TAFA4: variants seen among roughly 807,000 people sequenced by gnomAD.
TAFA4 encodes chemokine-like protein TAFA-4.
A neutral mutation model predicts 21.1 loss-of-function variants in TAFA4; 20 were observed. The ratio of observed to expected loss-of-function variants is 0.95; its 90% confidence interval spans 0.67 to 1.38. The LOEUF is 1.38. Among genes scored for constraint, TAFA4 ranks in the 40% most tolerant of loss-of-function variants. TAFA4 has a pLI of 0.00. For missense variants in TAFA4, 211 were observed against 180.9 expected (o/e 1.17, Z -0.95); for synonymous variants, 71 against 67.4 (o/e 1.05, Z -0.26).
intron 1 of TAFA4, among the ~76,000 whole-genome samples, chr3:68,931,408 AATG>A (rs1206344077): frequency 6.6e-6 from 1 of 152,064 alleles, no homozygotes. Flanking sequence ...CTAAACGTTA[AATG>A]ATGCTGATTC....
intron 1 of TAFA4, among the ~76,000 whole-genome samples, chr3:68,927,050 C>T (rs1195194167): frequency 1.3e-5 from 2 of 152,290 alleles, no homozygotes; most frequent in East Asian, 3.9e-4. Flanking sequence ...CAAATTGTAA[C>T]AATCAAAAAA....
intron 1 of TAFA4, among the ~76,000 whole-genome samples, 189 bp downstream of exon 1, chr3:68,932,051 G>T (rs2090164185): frequency 6.6e-6 from 1 of 151,984 alleles, no homozygotes; most frequent in Admixed American, 6.6e-5. Context: ...CGGGTTGCAC[G>T]CCGACCTCAG....
intron 3 of TAFA4, among the ~76,000 whole-genome samples, chr3:68,839,741 A>G (rs946320545): frequency 2.0e-5 from 3 of 152,174 alleles, no homozygotes; most frequent in African/African-American, 4.8e-5. Context: ...CCTTCACTAC[A>G]GAAGTTTGTT....
intron 3 of TAFA4, among the ~76,000 whole-genome samples, chr3:68,853,883 TA>T (rs1705005505): frequency 6.6e-6 from 1 of 152,112 alleles, no homozygotes; most frequent in Non-Finnish European, 1.5e-5. Context: ...CATACAGAAA[TA>T]AACAGGGCAT....
intron 1 of TAFA4, among the ~76,000 whole-genome samples, chr3:68,906,799 G>T (rs1454965667): frequency 6.6e-6 from 1 of 152,108 alleles, no homozygotes; most frequent in Non-Finnish European, 1.5e-5. Flanking sequence ...GGAGGCCGAG[G>T]CGGGTGGATC....
At chr3:68,838,355 T>C (rs1704573127) in intron 3 of TAFA4, among the ~76,000 whole-genome samples, 1 of 152,230 alleles carries the variant, frequency 6.6e-6, no homozygotes, top group Non-Finnish European at 1.5e-5. Context: ...AAGAATACAT[T>C]TGTATGTTTT....
chr3:68,879,374 T>C (rs1160669141), intron 3 of TAFA4, among the ~76,000 whole-genome samples: 3 of 152,186 alleles, frequency 2.0e-5, no homozygotes, highest in East Asian at 1.9e-4. Context: ...GCAAGGATCA[T>C]GGACTTTCAT....
chr3:68,788,460 CTT>C (rs1330056044), intron 3 of TAFA4, among the ~76,000 whole-genome samples: 1 of 152,190 alleles, frequency 6.6e-6, no homozygotes, highest in East Asian at 1.9e-4. Context: ...TGTGCAGAAA[CTT>C]TTAGTTTGAT....
In TAFA4 at chr3:68,805,190, T is replaced by A. The variant is rs529015916; in HGVS notation, c.131-52172A>T. On this transcript the variant is annotated intron_variant, in intron 3 of 5. Coordinates refer to ENST00000295569, the MANE Select transcript of TAFA4 (RefSeq NM_182522.5). ...AAAGAAGACATTTACACAGCCAAAATACACATGAAAAAATGCTCATCATCA... is the reference window on the plus strand; with the variant it reads ...AAAGAAGACATTTACACAGCCAAAAAACACATGAAAAAATGCTCATCATCA... Among the ~76,000 whole-genome samples, 451 of 152,208 alleles carry A rather than the reference T, an allele frequency of 3.0e-3. 1 individual carries two copies. Among genetic ancestry groups the A allele is most frequent in the African/African-American group, 0.01 (433 of 41,524 alleles).
At chr3:68,828,097 T>A (rs922391982) in intron 3 of TAFA4, among the ~76,000 whole-genome samples, 2 of 152,198 alleles carry the variant, frequency 1.3e-5, no homozygotes, top group African/African-American at 2.4e-5. Context: ...TTTCTACATA[T>A]GGCTAGTTTT....
intron 3 of TAFA4, among the ~76,000 whole-genome samples, chr3:68,775,167 G>A (rs1037022307): frequency 7.2e-5 from 11 of 152,158 alleles, no homozygotes; most frequent in Admixed American, 7.2e-4. Context: ...GCCCTTATGT[G>A]AGCTGGGAGC....
intron 3 of TAFA4, among the ~76,000 whole-genome samples, chr3:68,875,580 T>C (rs906783951): frequency 1.3e-5 from 2 of 152,060 alleles, no homozygotes; most frequent in Non-Finnish European, 2.9e-5. Flanking sequence ...TCACTGGAAG[T>C]GGGACAGGAA....
chr3:68,862,682 C>T (rs891258272), intron 3 of TAFA4, among the ~76,000 whole-genome samples: 10 of 152,058 alleles, frequency 6.6e-5, no homozygotes, highest in African/African-American at 2.2e-4. Context: ...GTGAGGACCA[C>T]TGTCAAGGGC....
At chr3:68,930,685 C>T (rs2090150695) in intron 1 of TAFA4, among the ~76,000 whole-genome samples, 1 of 152,156 alleles carries the variant, frequency 6.6e-6, no homozygotes, top group Non-Finnish European at 1.5e-5. Context: ...AGTCATCATT[C>T]GTCATAATGA....
intron 3 of TAFA4, among the ~76,000 whole-genome samples, chr3:68,755,596 T>C (rs2106757323): frequency 6.6e-6 from 1 of 152,278 alleles, no homozygotes; most frequent in Middle Eastern, 3.4e-3. Context: ...CCAGGGTTGG[T>C]CTATATGACC....
chr3:68,783,709 A>AGAGAG (rs1559519717), intron 3 of TAFA4, among the ~76,000 whole-genome samples: 10 of 71,514 alleles, frequency 1.4e-4, no homozygotes, highest in African/African-American at 4.4e-4. Flanking sequence ...GAGAGAGAGA[A>AGAGAG]AGAAAAAGAA....
chr3:68,852,685 C>T (rs546380910), intron 3 of TAFA4, among the ~76,000 whole-genome samples: 1 of 152,218 alleles, frequency 6.6e-6, no homozygotes, highest in East Asian at 1.9e-4. Context: ...CAATACACAC[C>T]CATGATCAAT....
chr3:68,806,714 C>G (rs1703707706), intron 3 of TAFA4, among the ~76,000 whole-genome samples: 1 of 152,064 alleles, frequency 6.6e-6, no homozygotes, highest in Admixed American at 6.6e-5. Context: ...ATAGAGTCCT[C>G]ATGAATGCAA....
At chr3:68,800,750 A>G (rs1703560766) in intron 3 of TAFA4, among the ~76,000 whole-genome samples, 1 of 152,210 alleles carries the variant, frequency 6.6e-6, no homozygotes, top group South Asian at 2.1e-4. Flanking sequence ...AGCTTGTCAA[A>G]ACTTAGGAGA....
Sources: gnomAD v4.1 joint callset for allele counts (sites outside exome capture counted in the v4.1 genomes callset) on GRCh38, gnomAD v4.1.1 for gene constraint, MANE v1.5 for transcripts, NCBI Gene and HGNC (gene_info 2026-07-23, HGNC 2026-07-21) for gene names.